BICC1: variants seen among roughly 807,000 people sequenced by gnomAD.
BICC1 encodes the protein protein bicaudal C homolog 1.
Under a neutral mutation model 111.0 loss-of-function variants are expected in BICC1, and 43 were observed. The observed-to-expected ratio is 0.39, with a 90% CI of 0.30 to 0.50. The LOEUF (loss-of-function observed/expected upper bound fraction) is 0.50. Among genes scored for constraint, BICC1 ranks in the 20% least tolerant of loss-of-function variants. The pLI is 0.88. For missense variants in BICC1, 1,091 were observed against 1,203.2 expected, an observed-to-expected ratio of 0.91 and a Z score of 1.38; for synonymous variants, 467 against 434.4, an observed-to-expected ratio of 1.07 and a Z score of -0.93.
At position 58,806,638 on chromosome 10, in the gene BICC1, A is replaced by G. The variant is rs1314479190; in HGVS notation, c.2221+15A>G. 20 of 1,591,506 alleles carry G rather than the reference A, an allele frequency of 1.3e-5. No homozygotes were observed. The highest frequency in any genetic ancestry group is 1.7e-5 in the Non-Finnish European group (20 of 1,160,206). On this transcript the variant is annotated intron_variant, in intron 16 of 20. Transcript: ENST00000373886. ...AGCCACCAAAGGTATGTAATACACT[A>G]ATAACTTACACTTGACTATATTTTA...
At chr10:58,649,965 T>C (rs1324308224) in intron 2 of BICC1, 2 of 152,186 alleles carry the variant, frequency 1.3e-5, no homozygotes, top group Non-Finnish European at 1.5e-5. Context: ...TTTTTGAATA[T>C]AACCGTAAGA....
intron 3 of BICC1, among the ~76,000 whole-genome samples, chr10:58,742,396 A>G (rs927046937): frequency 2.0e-5 from 3 of 147,510 alleles, no homozygotes; most frequent in African/African-American, 7.5e-5. Context: ...CTCAAGAGTT[A>G]GTCACTTCTG....
At chr10:58,634,517 G>GT (rs1043516278) in intron 2 of BICC1, among the ~76,000 whole-genome samples, 3 of 152,046 alleles carry the variant, frequency 2.0e-5, no homozygotes, top group African/African-American at 7.2e-5. Flanking sequence ...AGTATTTTTT[G>GT]GAAAAGCTCC....
At chr10:58,685,704 T>G (rs1175732898) in intron 2 of BICC1, among the ~76,000 whole-genome samples, 1 of 152,162 alleles carries the variant, frequency 6.6e-6, no homozygotes, top group Non-Finnish European at 1.5e-5. Flanking sequence ...GCTTTTTTTG[T>G]TTTCCATTTG....
chr10:58,660,042 C>T (rs1266215524), intron 2 of BICC1, among the ~76,000 whole-genome samples: 1 of 152,120 alleles, frequency 6.6e-6, no homozygotes, highest in Non-Finnish European at 1.5e-5. Flanking sequence ...AGCTAGTTAG[C>T]ACTGGGGCTT....
At chr10:58,724,491 G>A (rs1262383947) in intron 3 of BICC1, among the ~76,000 whole-genome samples, 1 of 152,010 alleles carries the variant, frequency 6.6e-6, no homozygotes, top group Admixed American at 6.6e-5. Flanking sequence ...GCTTTTCCCA[G>A]CCCACTCCAA....
intron 3 of BICC1, among the ~76,000 whole-genome samples, chr10:58,751,412 A>T (rs1841988204): frequency 6.6e-6 from 1 of 152,202 alleles, no homozygotes; most frequent in Non-Finnish European, 1.5e-5. Context: ...TATTTGTAAT[A>T]AAATATAAAT....
In BICC1 at chr10:58,702,560, C is replaced by T. The variant is rs552122039; in HGVS notation, c.307+417C>T. Among the ~76,000 whole-genome samples the T allele has an allele frequency of 5.3e-5, 8 of 151,594 alleles. No individual in the cohort carries two copies. The East Asian group carries it at 1.2e-3, about 22-fold the overall frequency. ...GATATGAACCTTAGATTTCAGGTCT[C>T]GAGTGCTGCTTGTCTTCATCTATCA... is the stretch of plus-strand genomic sequence containing the variant. On this transcript the variant is annotated intron_variant, in intron 3 of 20. Transcript: ENST00000373886.
chr10:58,665,096 G>A (rs1182412978), intron 2 of BICC1, among the ~76,000 whole-genome samples: 1 of 152,068 alleles, frequency 6.6e-6, no homozygotes, highest in Non-Finnish European at 1.5e-5. Flanking sequence ...ACTACTGCTT[G>A]TTATTACTTG....
At chr10:58,820,318 A>G (rs543999648) in intron 19 of BICC1, 51 bp from the exon 20 acceptor site, 5 of 1,261,442 alleles carry the variant, frequency 4.0e-6, no homozygotes, top group Admixed American at 3.5e-5. Flanking sequence ...ACAGTGGGAA[A>G]GAAAATAAGT....
intron 3 of BICC1, among the ~76,000 whole-genome samples, chr10:58,729,803 A>G (rs909219838): frequency 6.6e-5 from 10 of 152,206 alleles, no homozygotes; most frequent in Admixed American, 5.2e-4. Context: ...TATTGTGACG[A>G]CAGTACCAAG....
At chr10:58,544,549 A>G (rs1259406027) in intron 1 of BICC1, among the ~76,000 whole-genome samples, 1 of 152,132 alleles carries the variant, frequency 6.6e-6, no homozygotes, top group African/African-American at 2.4e-5. Context: ...ATGGATATAT[A>G]TGTGTGATCT....
chr10:58,634,345 T>A (rs1276808897), intron 2 of BICC1, among the ~76,000 whole-genome samples: 1 of 152,166 alleles, frequency 6.6e-6, no homozygotes, highest in Non-Finnish European at 1.5e-5. Context: ...CCTGTTCCCA[T>A]TTCTCCAGTT....
At chr10:58,802,206 A>C (rs1170179493) in intron 14 of BICC1, among the ~76,000 whole-genome samples, 1 of 152,176 alleles carries the variant, frequency 6.6e-6, no homozygotes, top group African/African-American at 2.4e-5. Flanking sequence ...TTGGCACCAG[A>C]CAACTTGCAG....
At chr10:58,767,718 T>C (rs540765032) in intron 3 of BICC1, among the ~76,000 whole-genome samples, 7 of 152,188 alleles carry the variant, frequency 4.6e-5, no homozygotes, top group Non-Finnish European at 1.0e-4. Flanking sequence ...AAACTCGGTG[T>C]AATCAGGAAA....
At chr10:58,760,614 A>G (rs1842286385) in intron 3 of BICC1, among the ~76,000 whole-genome samples, 1 of 152,186 alleles carries the variant, frequency 6.6e-6, no homozygotes, top group Non-Finnish European at 1.5e-5. Context: ...CTGGGAAAAT[A>G]AAAAATGATG....
intron 1 of BICC1, among the ~76,000 whole-genome samples, chr10:58,537,414 GCA>G (rs1474586103): frequency 1.3e-5 from 2 of 151,082 alleles, no homozygotes; most frequent in Non-Finnish European, 3.0e-5. Flanking sequence ...TGCAGAAAAA[GCA>G]TTTGATAAAA....
At chr10:58,719,203 A>C (rs538992621) in intron 3 of BICC1, among the ~76,000 whole-genome samples, 1 of 152,330 alleles carries the variant, frequency 6.6e-6, no homozygotes, top group African/African-American at 2.4e-5. Flanking sequence ...AGAGGTGCCA[A>C]AATAGCACCT....
chr10:58,583,580 CTCTCTGTGTGTG>C (rs973806492), intron 1 of BICC1, among the ~76,000 whole-genome samples: 1 of 65,476 alleles, frequency 1.5e-5, no homozygotes, highest in African/African-American at 5.3e-5. Flanking sequence ...AGTATTCTCT[CTCTCTGTGTGTG>C]TGTGTGTGTG....
Sources: gnomAD v4.1 joint callset for allele counts (sites outside exome capture counted in the v4.1 genomes callset) on GRCh38, gnomAD v4.1.1 for gene constraint, MANE v1.5 for transcripts, NCBI Gene and HGNC (gene_info 2026-07-23, HGNC 2026-07-21) for gene names.